NADSYN1: variants seen among roughly 807,000 people sequenced by gnomAD.
NADSYN1 encodes NAD synthetase 1, also known as glutamine-dependent NAD(+) synthetase.
A neutral mutation model predicts 99.3 loss-of-function variants in NADSYN1; 80 were observed. The observed-to-expected ratio is 0.81, with a 90% CI of 0.67 to 0.97. The LOEUF (loss-of-function observed/expected upper bound fraction) is 0.97, where lower values mean the gene tolerates loss of function less well. Ranked by LOEUF, NADSYN1 falls within the 50% of genes least tolerant of loss-of-function variation. The probability of loss-of-function intolerance (pLI) is 0.00; values close to 1 mark genes in which losing one functional copy is unlikely to be tolerated. For synonymous variants in NADSYN1, 385 were observed against 372.1 expected (o/e 1.03, Z -0.40); for missense variants, 859 against 948.5 (o/e 0.91, Z 1.24).
chr11:71,478,698 G>A (rs781570445), intron 10 of NADSYN1: 6 of 514,602 alleles, frequency 1.2e-5, no homozygotes, highest in Non-Finnish European at 2.1e-5. Context: ...GGTGAGCTGG[G>A]GACAGGCAGG....
intron 10 of NADSYN1, chr11:71,478,733 C>T (rs945746008): frequency 9.3e-6 from 4 of 429,882 alleles, no homozygotes; most frequent in South Asian, 2.5e-5. Flanking sequence ...AGACAGTCAG[C>T]GTGCTAGGGG....
In NADSYN1 at chr11:71,474,375, A is replaced by G. The variant is rs762737666; in HGVS notation, c.667-20A>G. On this transcript the variant is annotated intron_variant, in intron 8 of 20. Coordinates refer to ENST00000319023, the MANE Select transcript of NADSYN1 (RefSeq NM_018161.5). ...GGTGGACACAGCTGACCACTCCGCT[A>G]TGGGGTCCTCCTTTTTCAGAACGGT... is the stretch of plus-strand genomic sequence containing the variant. 6.2e-6 allele frequency: 10 copies of G among 1,613,780 alleles called. No individual in the cohort carries two copies. The highest frequency in any genetic ancestry group is 1.7e-4 in the Middle Eastern group (1 of 6,058).
At chr11:71,478,291 C>A in intron 9 of NADSYN1, 104 bp from the exon 10 acceptor site, 1 of 941,426 alleles carries the variant, frequency 1.1e-6, no homozygotes, top group South Asian at 1.5e-5. Flanking sequence ...GGGTCTCAGC[C>A]CCTGCTTTAG....
chr11:71,487,958 C>T (rs1949754207), intron 16 of NADSYN1, among the ~76,000 whole-genome samples: 1 of 152,090 alleles, frequency 6.6e-6, no homozygotes, highest in Non-Finnish European at 1.5e-5. Flanking sequence ...TGATGTAGTA[C>T]TGAAGCCCTT....
At position 71,490,905 on chromosome 11, in the gene NADSYN1, G is replaced by T. The variant is rs147684130; in HGVS notation, c.1623G>T (p.Gly541=). ...CSSADINPIG[G]ISKTDLRAFV... ...GTGCGGACATCAACCCCATAGGCGG[G>T]ATCAGCAAGACGGACCTCAGGGCCT... The change falls in exon 17 of 21, where the codon GGG becomes GGT. Residue 541 remains glycine (G), a synonymous_variant. Coordinates refer to ENST00000319023, the MANE Select transcript of NADSYN1 (RefSeq NM_018161.5). 4.4e-5 allele frequency: 71 copies of T among 1,614,210 alleles called. No individual in the cohort carries two copies. The African/African-American group carries it at 9.1e-4, about 21-fold the overall frequency.
intron 2 of NADSYN1, among the ~76,000 whole-genome samples, chr11:71,456,173 TTG>T (rs1422165429): frequency 6.6e-6 from 1 of 152,220 alleles, no homozygotes; most frequent in African/African-American, 2.4e-5. Context: ...TTAGGAGGTT[TTG>T]TGTGAGTCCA....
intron 9 of NADSYN1, 43 bp from the exon 10 acceptor site, chr11:71,478,352 C>G: frequency 6.6e-7 from 1 of 1,512,478 alleles, no homozygotes; most frequent in Non-Finnish European, 9.0e-7. Context: ...GGGAGTTGAA[C>G]AAACGGGAAA....
At position 71,497,611 on chromosome 11, in the gene NADSYN1, G is replaced by A. The variant is rs753666440; in HGVS notation, c.1893G>A (p.Gln631=). The change falls in exon 19 of 21, where the codon CAG becomes CAA. Residue 631 remains glutamine (Q), a splice_region_variant and synonymous_variant. Coordinates refer to ENST00000319023, the MANE Select transcript of NADSYN1 (RefSeq NM_018161.5). ...GGAGACACATCTGCACCCCGAGACA[G>A]GTAAAGCCTGTGAGACGCATCACAG... is the stretch of plus-strand genomic sequence containing the variant. ...GMWRHICTPR[Q]VADKVKRFFS... 1.9e-6 allele frequency: 3 copies of A among 1,613,984 alleles called. No individual in the cohort carries two copies. The highest frequency in any genetic ancestry group is 2.5e-6 in the Non-Finnish European group (3 of 1,179,954).
intron 18 of NADSYN1, among the ~76,000 whole-genome samples, chr11:71,494,453 C>T (rs1281925247): frequency 2.6e-5 from 4 of 152,206 alleles, no homozygotes; most frequent in South Asian, 2.1e-4. Flanking sequence ...GTTCACACGA[C>T]GCAGTGGCCT....
intron 11 of NADSYN1, 77 bp downstream of exon 11, chr11:71,480,956 A>T: frequency 6.3e-7 from 1 of 1,576,178 alleles, no homozygotes; most frequent in Non-Finnish European, 8.6e-7. Context: ...CCTGGAGGTC[A>T]CGCAGTGGGT....
At position 71,501,427 on chromosome 11, in the gene NADSYN1, GTAGGAGCCCTACAC is replaced by G. The variant is rs773623973; in HGVS notation, c.*85_*98del. On this transcript the variant is annotated 3_prime_UTR_variant, in exon 21 of 21. Transcript: ENST00000319023. ...ATCATCAGCATTGCTGGAGCCAAGG[GTAGGAGCCCTACAC>G]TAGGAGCCCAGGATGGGACGGCGCA... The G allele has an allele frequency of 2.1e-6, 3 of 1,452,422 alleles. No individual in the cohort carries two copies. The highest frequency in any genetic ancestry group is 2.8e-6 in the Non-Finnish European group (3 of 1,062,482). The allele number at this position is 1,452,422 out of a possible 1,614,324, so 90.0% of individuals were successfully genotyped here.
chr11:71,491,823 T>C lies in NADSYN1; in HGVS notation c.1695-11T>C, dbSNP rs747836859. The C allele has an allele frequency of 1.9e-6, 3 of 1,613,782 alleles. No homozygotes were observed. On this transcript the variant is annotated splice_polypyrimidine_tract_variant and intron_variant, in intron 17 of 20. Transcript: ENST00000319023. ...GCTGCACTGACCGACCTCTGTGTGT[T>C]TTGGCTGCAGCATCCTGTTGGCGCC...
At chr11:71,485,909 C>A (rs568202066) in intron 16 of NADSYN1, among the ~76,000 whole-genome samples, 28 of 152,158 alleles carry the variant, frequency 1.8e-4, no homozygotes, top group African/African-American at 6.5e-4. Context: ...ATCTTCCCAC[C>A]GCCCTCTGCC....
Position 71,478,433 on chromosome 11 carries a change from G to T in NADSYN1, c.837G>T (p.Arg279=), listed in dbSNP as rs367656924. The stretch of plus-strand genomic sequence containing the variant: ...CCACGCTGGATCTGGAGGACGTCCG[G>T]AGCTACAGGGCGGAGATTTCATCTC... ...LTATLDLEDV[R]SYRAEISSRN... The change falls in exon 10 of 21, where the codon CGG becomes CGT. Residue 279 remains arginine, a synonymous_variant. Transcript: ENST00000319023. 1.2e-6 allele frequency: 2 copies of T among 1,609,360 alleles called. No individual in the cohort carries two copies. The highest frequency in any genetic ancestry group is 2.7e-5 in the African/African-American group (2 of 74,864).
At chr11:71,478,997 A>G (rs1476407456) in intron 10 of NADSYN1, 1 of 162,364 alleles carries the variant, frequency 6.2e-6, no homozygotes, top group Admixed American at 5.6e-5. Flanking sequence ...CGTCACAAAT[A>G]GGATGTCCAA....
At chr11:71,487,410 A>G (rs1230664181) in intron 16 of NADSYN1, among the ~76,000 whole-genome samples, 2 of 152,174 alleles carry the variant, frequency 1.3e-5, no homozygotes, top group Non-Finnish European at 2.9e-5. Context: ...ATTGTGTTGT[A>G]AGAGTTCCCC....
In NADSYN1 at chr11:71,456,017, A is replaced by G. The variant is rs1419170251; in HGVS notation, c.146+847A>G. Among the ~76,000 whole-genome samples, 3 of 152,370 alleles carry G rather than the reference A, an allele frequency of 2.0e-5. 1 individual carries two copies. The highest frequency in any genetic ancestry group is 6.8e-3 in the Middle Eastern group (2 of 294). ...ATAGTCCTTTCTCATTTTGGATGTC[A>G]GCTGCCATCTGTGCTCTGCTAGTTT... On this transcript the variant is annotated intron_variant, in intron 2 of 20. Transcript: ENST00000319023.
At chr11:71,455,245 A>G (rs529772812) in intron 2 of NADSYN1, 75 bp downstream of exon 2, 4 of 1,286,008 alleles carry the variant, frequency 3.1e-6, no homozygotes, top group Admixed American at 1.7e-5. Flanking sequence ...TGAGAAGGCA[A>G]GGAAGGAGCA....
At chr11:71,453,423 C>T (rs573051957) in intron 1 of NADSYN1, 42 bp downstream of exon 1, 4 of 1,563,248 alleles carry the variant, frequency 2.6e-6, no homozygotes, top group African/African-American at 2.7e-5. Context: ...GGGTGGCGCA[C>T]GGGCACCGTG....
Sources: gnomAD v4.1 joint callset for allele counts (sites outside exome capture counted in the v4.1 genomes callset) on GRCh38, gnomAD v4.1.1 for gene constraint, MANE v1.5 for transcripts, NCBI Gene and HGNC (gene_info 2026-07-23, HGNC 2026-07-21) for gene names.